The following ATP1A4 variants were observed in gnomAD, a reference collection of about 807,000 sequenced individuals.
The protein encoded by ATP1A4 is sodium/potassium-transporting ATPase subunit alpha-4.
In ATP1A4, 90 loss-of-function variants were observed where a neutral mutation model predicts 114.3. That is an observed-to-expected ratio of 0.79 (90% CI 0.66 to 0.94). ATP1A4 has a LOEUF of 0.94. Among genes scored for constraint, ATP1A4 ranks in the 40% least tolerant of loss-of-function variants. The probability of loss-of-function intolerance (pLI) is 0.00; values close to 1 mark genes in which losing one functional copy is unlikely to be tolerated. For missense variants in ATP1A4, 1,222 were observed against 1,313.6 expected, an observed-to-expected ratio of 0.93 and a Z score of 1.08; for synonymous variants, 511 against 494.1, an observed-to-expected ratio of 1.03 and a Z score of -0.45.
At position 160,171,699 on chromosome 1, in the gene ATP1A4, A is replaced by G. The variant is rs1198372834; in HGVS notation, c.1796A>G (p.Asp599Gly). 6.2e-7 allele frequency: 1 copy of G among 1,613,902 alleles called. No individual in the cohort carries two copies. Among genetic ancestry groups the G allele is most frequent in the Non-Finnish European group, 8.5e-7 (1 of 1,179,994 alleles). The change falls in exon 12 of 22, where the codon GAC (aspartate) becomes GGC (glycine). Residue 599 changes from aspartate (D) to glycine (G), a missense_variant. Coordinates refer to ENST00000368081, the MANE Select transcript of ATP1A4 (RefSeq NM_144699.4). ...TTTGTGGGCCTCATATCCATGATTG[A>G]CCCTCCCCGAGCTGCAGTGCCTGAT... ...LCFVGLISMI[D>G]PPRAAVPDAV...
intron 17 of ATP1A4, 75 bp from the exon 18 acceptor site, chr1:160,177,444 A>AG: frequency 6.5e-7 from 1 of 1,542,638 alleles, no homozygotes. Flanking sequence ...CCCAGCCCCC[A>AG]GCCCTCCCCT....
chr1:160,176,425 T>C, intron 16 of ATP1A4, 54 bp from the exon 17 acceptor site: 1 of 1,612,086 alleles, frequency 6.2e-7, no homozygotes, highest in Non-Finnish European at 8.5e-7. Flanking sequence ...GAATTACTGC[T>C]GGGTTTCCTT....
At chr1:160,177,020 C>T (rs2101650936) in intron 17 of ATP1A4, among the ~76,000 whole-genome samples, 1 of 152,246 alleles carries the variant, frequency 6.6e-6, no homozygotes, top group South Asian at 2.1e-4. Flanking sequence ...TTAAAGAAGA[C>T]TGAATAAACC....
chr1:160,182,150 T>G (rs1490749581), intron 20 of ATP1A4, 119 bp downstream of exon 20: 5 of 786,918 alleles, frequency 6.4e-6, no homozygotes, highest in Admixed American at 1.9e-5. Flanking sequence ...TGGAGCTACA[T>G]GTACACTCAG....
intron 18 of ATP1A4, among the ~76,000 whole-genome samples, chr1:160,179,912 T>C (rs1653618743): frequency 6.6e-6 from 1 of 152,146 alleles, no homozygotes; most frequent in Non-Finnish European, 1.5e-5. Context: ...AAAATGCTAG[T>C]CAGAGAGAGA....
chr1:160,186,132 C>A, intron 20 of ATP1A4, 144 bp from the exon 21 acceptor site: 5 of 454,602 alleles, frequency 1.1e-5, no homozygotes, highest in Non-Finnish European at 1.7e-5. Flanking sequence ...TCTTATTCAA[C>A]TGCACTGTCT....
At chr1:160,163,190 C>T (rs1380328948) in intron 6 of ATP1A4, among the ~76,000 whole-genome samples, 2 of 151,988 alleles carry the variant, frequency 1.3e-5, no homozygotes, top group Admixed American at 1.3e-4. Flanking sequence ...TTTCTCTACA[C>T]TCACGCTGAA....
Position 160,176,097 on chromosome 1 carries a change from C to A in ATP1A4, c.2317C>A (p.Leu773Met). Residue 773 changes from leucine (L) to methionine (M), a missense_variant, in exon 16 of 22, where the codon CTG becomes ATG. Coordinates refer to ENST00000368081, the MANE Select transcript of ATP1A4 (RefSeq NM_144699.4). ...AGGTTGACCTTCCTCCCCAGGCCGCCTGATCTTTGACAACCTGAAGAAATC... is the reference window on the plus strand; with the variant it reads ...AGGTTGACCTTCCTCCCCAGGCCGCATGATCTTTGACAACCTGAAGAAATC... The part of the protein sequence containing the change: ...SIVTGVEEGR[L>M]IFDNLKKSIM... The A allele has an allele frequency of 6.2e-7, 1 of 1,614,024 alleles. No homozygotes were observed. The highest frequency in any genetic ancestry group is 8.5e-7 in the Non-Finnish European group (1 of 1,180,030).
At chr1:160,181,290 C>T (rs755543865) in intron 18 of ATP1A4, among the ~76,000 whole-genome samples, 9 of 152,076 alleles carry the variant, frequency 5.9e-5, no homozygotes, top group Non-Finnish European at 1.3e-4. Context: ...CAGTGAGTCA[C>T]GCCTGTATTC....
chr1:160,158,572 G>A (rs541032379), intron 4 of ATP1A4, among the ~76,000 whole-genome samples: 19 of 152,006 alleles, frequency 1.2e-4, no homozygotes, highest in African/African-American at 4.3e-4. Flanking sequence ...TAGAGACAGG[G>A]TCTCCCTATG....
intron 20 of ATP1A4, 128 bp downstream of exon 20, chr1:160,182,159 A>G: frequency 1.4e-6 from 1 of 736,106 alleles, no homozygotes; most frequent in South Asian, 1.5e-5. Context: ...ATGTACACTC[A>G]GTGATACAAG....
At chr1:160,156,305 T>A in intron 4 of ATP1A4, 147 bp downstream of exon 4, 1 of 597,780 alleles carries the variant, frequency 1.7e-6, no homozygotes, top group Non-Finnish European at 3.0e-6. Flanking sequence ...TATCAGTCCT[T>A]AAAAGTACCT....
rs370268527 is a variant in ATP1A4 at position 160,168,234 on chromosome 1, C to T, written c.1491+822C>T. Among the ~76,000 whole-genome samples the T allele has an allele frequency of 4.9e-4, 74 of 152,228 alleles. 1 individual carries two copies. In the East Asian group the frequency reaches 0.011, roughly 23 times the overall value. On this transcript the variant is annotated intron_variant, in intron 10 of 21. Coordinates refer to ENST00000368081, the MANE Select transcript of ATP1A4 (RefSeq NM_144699.4). ...ATCAGAATTGGAGCTTTGCCAGGCTCAAGCTGAGTTCCACGGGGCAATCAT... is the reference window on the plus strand; with the variant it reads ...ATCAGAATTGGAGCTTTGCCAGGCTTAAGCTGAGTTCCACGGGGCAATCAT...
intron 6 of ATP1A4, among the ~76,000 whole-genome samples, chr1:160,162,927 T>C (rs925977376): frequency 5.3e-5 from 8 of 152,176 alleles, no homozygotes; most frequent in Non-Finnish European, 8.8e-5. Context: ...AATTAGGCAA[T>C]AAAATTGGGT....
chr1:160,176,027 G>A (rs1653450242), intron 15 of ATP1A4, 65 bp from the exon 16 acceptor site: 5 of 1,561,728 alleles, frequency 3.2e-6, no homozygotes, highest in Admixed American at 1.7e-5. Flanking sequence ...TGTCTGTCCC[G>A]GAGCTGGTTT....
chr1:160,175,182 T>C (rs1653416205), intron 15 of ATP1A4, among the ~76,000 whole-genome samples: 1 of 152,114 alleles, frequency 6.6e-6, no homozygotes, highest in South Asian at 2.1e-4. Flanking sequence ...GCTTGACCCG[T>C]GAATTGACTG....
intron 6 of ATP1A4, among the ~76,000 whole-genome samples, chr1:160,160,702 T>C (rs540484345): frequency 2.0e-5 from 3 of 152,256 alleles, no homozygotes; most frequent in Non-Finnish European, 2.9e-5. Context: ...GGGATTCTAA[T>C]GTAGGTCTGT....
chr1:160,173,796 A>G, intron 13 of ATP1A4, 79 bp downstream of exon 13: 1 of 1,524,412 alleles, frequency 6.6e-7, no homozygotes, highest in Non-Finnish European at 8.9e-7. Flanking sequence ...ACTTTACTAA[A>G]GTTCTTGGAG....
At chr1:160,165,994 G>C (rs1653014936) in intron 7 of ATP1A4, among the ~76,000 whole-genome samples, 1 of 152,054 alleles carries the variant, frequency 6.6e-6, no homozygotes, top group Non-Finnish European at 1.5e-5. Context: ...TTTTGGCCAG[G>C]CACGGTGGCT....
Sources: gnomAD v4.1 joint callset for allele counts (sites outside exome capture counted in the v4.1 genomes callset) on GRCh38, gnomAD v4.1.1 for gene constraint, MANE v1.5 for transcripts, NCBI Gene and HGNC (gene_info 2026-07-23, HGNC 2026-07-21) for gene names.